HS6ST3: variants seen among roughly 807,000 people sequenced by gnomAD.
HS6ST3 encodes heparan sulfate 6-O-sulfotransferase 3.
In HS6ST3, 12 loss-of-function variants were observed where a neutral mutation model predicts 36.7. The observed-to-expected ratio is 0.33, with a 90% CI of 0.21 to 0.53. HS6ST3 has a LOEUF of 0.53. Among genes scored for constraint, HS6ST3 ranks in the 20% least tolerant of loss-of-function variants. The pLI is 0.95. For synonymous variants in HS6ST3, 240 were observed against 257.5 expected (o/e 0.93, Z 0.65); for missense variants, 584 against 640.9 (o/e 0.91, Z 0.96).
intron 1 of HS6ST3, among the ~76,000 whole-genome samples, chr13:96,284,366 A>G (rs1566311382): frequency 6.6e-6 from 1 of 152,204 alleles, no homozygotes; most frequent in African/African-American, 2.4e-5. Context: ...GAAGCCGACA[A>G]TGCAGCCTTC....
intron 1 of HS6ST3, among the ~76,000 whole-genome samples, chr13:96,151,699 G>A (rs1029233188): frequency 7.2e-5 from 11 of 152,226 alleles, no homozygotes; most frequent in Non-Finnish European, 1.3e-4. Flanking sequence ...GCAGGGCCAT[G>A]TGCCTCTGAA....
At chr13:96,671,720 G>C (rs2056683348) in intron 1 of HS6ST3, among the ~76,000 whole-genome samples, 1 of 151,766 alleles carries the variant, frequency 6.6e-6, no homozygotes. Flanking sequence ...CCTTTTATAA[G>C]GACACTAGTT....
intron 1 of HS6ST3, among the ~76,000 whole-genome samples, chr13:96,407,365 G>A (rs145548483): frequency 0.01 from 1,564 of 152,300 alleles, 8 homozygotes; most frequent in Non-Finnish European, 0.017. Flanking sequence ...GGTCATATCT[G>A]TGCTCAGCCA....
At chr13:96,626,078 G>A (rs2056511361) in intron 1 of HS6ST3, among the ~76,000 whole-genome samples, 1 of 151,802 alleles carries the variant, frequency 6.6e-6, no homozygotes, top group Non-Finnish European at 1.5e-5. Flanking sequence ...TCGTGACCTC[G>A]TGATCCACCC....
intron 1 of HS6ST3, among the ~76,000 whole-genome samples, chr13:96,131,877 T>A (rs1429193697): frequency 6.6e-6 from 1 of 152,082 alleles, no homozygotes; most frequent in Non-Finnish European, 1.5e-5. Flanking sequence ...TAGGAAGTTT[T>A]CACTAAGCCT....
In HS6ST3 at chr13:96,177,951, C is replaced by CT. The variant is rs2054220434; in HGVS notation, c.707+86383dup. Reference sequence around the variant, plus strand: ...TGATCATTTATAGGACAATTCAACACTGAGTGATGATATCAAGAAATTTTT... The same window carrying CT: ...TGATCATTTATAGGACAATTCAACACTTGAGTGATGATATCAAGAAATTTTT... On this transcript the variant is annotated intron_variant, in intron 1 of 1. Coordinates refer to ENST00000376705, the MANE Select transcript of HS6ST3 (RefSeq NM_153456.4). Among the ~76,000 whole-genome samples the CT allele has an allele frequency of 1.3e-5, 2 of 152,044 alleles. 1 individual carries two copies. The highest frequency in any genetic ancestry group is 4.1e-4 in the South Asian group (2 of 4,820).
intron 1 of HS6ST3, among the ~76,000 whole-genome samples, chr13:96,641,297 C>T (rs938649564): frequency 1.3e-5 from 2 of 151,710 alleles, no homozygotes; most frequent in Non-Finnish European, 2.9e-5. Flanking sequence ...GGATTGTGTT[C>T]TTGGTTTGGC....
intron 1 of HS6ST3, among the ~76,000 whole-genome samples, chr13:96,248,697 C>T (rs2054594816): frequency 6.6e-6 from 1 of 152,120 alleles, no homozygotes. Flanking sequence ...GGACATTGGA[C>T]AGGTATTTGG....
At chr13:96,423,997 C>G (rs140222859) in intron 1 of HS6ST3, among the ~76,000 whole-genome samples, 53 of 152,288 alleles carry the variant, frequency 3.5e-4, no homozygotes, top group African/African-American at 8.7e-4. Context: ...TCCAATTTTA[C>G]ACTTCATAAA....
At chr13:96,368,402 A>G (rs539371257) in intron 1 of HS6ST3, among the ~76,000 whole-genome samples, 29 of 152,156 alleles carry the variant, frequency 1.9e-4, no homozygotes, top group Non-Finnish European at 2.9e-4. Flanking sequence ...TGAAGAGGAC[A>G]TATTTACAAT....
chr13:96,216,021 A>T (rs1042246320), intron 1 of HS6ST3, among the ~76,000 whole-genome samples: 1 of 152,196 alleles, frequency 6.6e-6, no homozygotes, highest in Non-Finnish European at 1.5e-5. Context: ...CTGGGCTCAA[A>T]TCCCGTTTCT....
intron 1 of HS6ST3, among the ~76,000 whole-genome samples, chr13:96,505,644 T>C (rs1379634603): frequency 1.3e-5 from 2 of 152,256 alleles, no homozygotes; most frequent in Non-Finnish European, 2.9e-5. Flanking sequence ...TAAAAATACA[T>C]TGCACATCAA....
intron 1 of HS6ST3, among the ~76,000 whole-genome samples, chr13:96,247,071 G>A (rs1178369696): frequency 6.6e-6 from 1 of 152,112 alleles, no homozygotes; most frequent in Non-Finnish European, 1.5e-5. Flanking sequence ...ACCCTGGGCT[G>A]AGAGAGCTAC....
intron 1 of HS6ST3, among the ~76,000 whole-genome samples, chr13:96,242,081 G>A (rs1200837877): frequency 6.6e-6 from 1 of 151,960 alleles, no homozygotes; most frequent in Non-Finnish European, 1.5e-5. Flanking sequence ...CACCGCGCCT[G>A]GCCTGATGTA....
At chr13:96,452,553 AT>A (rs11300062) in intron 1 of HS6ST3, among the ~76,000 whole-genome samples, 78,175 of 151,018 alleles carry the variant, frequency 0.52, 20,486 homozygotes, top group South Asian at 0.61. Flanking sequence ...TAGCTTTCTG[AT>A]TTTTTTTTTC....
At chr13:96,679,946 A>G (rs1042403589) in intron 1 of HS6ST3, among the ~76,000 whole-genome samples, 48 of 152,072 alleles carry the variant, frequency 3.2e-4, no homozygotes, top group African/African-American at 1.1e-3. Context: ...CAAGACCACA[A>G]AGATCCTGTT....
At chr13:96,317,368 A>G (rs1388980613) in intron 1 of HS6ST3, among the ~76,000 whole-genome samples, 1 of 18,030 alleles carries the variant, frequency 5.5e-5, no homozygotes, top group Admixed American at 5.9e-4. Context: ...ATATATATAT[A>G]AAATTATATA....
chr13:96,685,440 T>G (rs564467455), intron 1 of HS6ST3, among the ~76,000 whole-genome samples: 2 of 152,096 alleles, frequency 1.3e-5, no homozygotes, highest in Non-Finnish European at 2.9e-5. Flanking sequence ...GTTTATATCA[T>G]AAGCACATAT....
chr13:96,257,113 T>C (rs1263319245), intron 1 of HS6ST3, among the ~76,000 whole-genome samples: 1 of 152,168 alleles, frequency 6.6e-6, no homozygotes. Flanking sequence ...TAGAGATTCT[T>C]CCAAAGGCAG....
Sources: gnomAD v4.1 joint callset for allele counts (sites outside exome capture counted in the v4.1 genomes callset) on GRCh38, gnomAD v4.1.1 for gene constraint, MANE v1.5 for transcripts, NCBI Gene and HGNC (gene_info 2026-07-23, HGNC 2026-07-21) for gene names.